PPP1R12C: variants seen among roughly 807,000 people sequenced by gnomAD.
PPP1R12C encodes the protein protein phosphatase 1 regulatory subunit 12C.
PPP1R12C carries 48 observed loss-of-function variants against 95.6 expected under a neutral mutation model. The ratio of observed to expected loss-of-function variants is 0.50; its 90% confidence interval spans 0.40 to 0.64. The LOEUF (loss-of-function observed/expected upper bound fraction) is 0.64. PPP1R12C is among the 30% of genes least tolerant of loss of function. The pLI, the probability that PPP1R12C is intolerant of heterozygous loss-of-function variation, is 0.00. For synonymous variants in PPP1R12C, 480 were observed against 460.8 expected (o/e 1.04, Z -0.53); for missense variants, 1,057 against 1,083.3 (o/e 0.98, Z 0.34).
Position 55,095,623 on chromosome 19 carries a change from T to C in PPP1R12C, c.1228-20A>G. 1 of 1,537,034 alleles carries C rather than the reference T, an allele frequency of 6.5e-7. No homozygotes were observed. Among genetic ancestry groups the C allele is most frequent in the Non-Finnish European group, 8.7e-7 (1 of 1,145,996 alleles). On this transcript the variant is annotated intron_variant, in intron 9 of 21. Transcript: ENST00000263433. Reference sequence around the variant, plus strand: ...AAGCTGCTGGGAGAAGGAGGAGGTCTCAGTTAGAGAGAAAGGATCCCTCTT... The same window carrying C: ...AAGCTGCTGGGAGAAGGAGGAGGTCCCAGTTAGAGAGAAAGGATCCCTCTT...
chr19:55,096,404 A>C, intron 6 of PPP1R12C, 69 bp from the exon 7 acceptor site: 2 of 1,531,408 alleles, frequency 1.3e-6, no homozygotes, highest in Non-Finnish European at 1.8e-6. Flanking sequence ...ACCACCACAA[A>C]CAGCTGTGCA....
rs2085077350 is a variant in PPP1R12C, at chr19:55,109,926, G to C, written c.571+2541C>G. ...GTCCCACCCCGAGCAGCACGGCTGA[G>C]GGTCTTTCCAGTGGCCCCAGTGGTC... On this transcript the variant is annotated intron_variant, in intron 3 of 21. Coordinates refer to ENST00000263433, the MANE Select transcript of PPP1R12C (RefSeq NM_017607.4). The surrounding 1 kb of genome is among the most constrained non-coding windows in gnomAD (Gnocchi z 4.4). Among the ~76,000 whole-genome samples the C allele has an allele frequency of 6.6e-6, 1 of 152,168 alleles. No individual in the cohort carries two copies. The highest frequency in any genetic ancestry group is 2.4e-5 in the African/African-American group (1 of 41,450).
chr19:55,092,911 C>T, intron 15 of PPP1R12C, 43 bp from the exon 16 acceptor site: 1 of 1,594,878 alleles, frequency 6.3e-7, no homozygotes, highest in Non-Finnish European at 8.5e-7. Context: ...TCCAGAGCCC[C>T]CTCTCGGTGC....
chr19:55,108,005 G>A (rs1252711887), intron 3 of PPP1R12C, among the ~76,000 whole-genome samples: 2 of 142,992 alleles, frequency 1.4e-5, no homozygotes, highest in East Asian at 2.1e-4. Flanking sequence ...GTGAGATCTC[G>A]GCTCACTGCA....
At position 55,092,307 on chromosome 19, in the gene PPP1R12C, C is replaced by T; in HGVS notation, c.2075G>A (p.Arg692Lys). Reference sequence around the variant, plus strand: ...GGCCTCGCGAAGCCGCTCGTTCTCCCTGCGCAGCTCTGCATACAGCTGGGG... The same window carrying T: ...GGCCTCGCGAAGCCGCTCGTTCTCCTTGCGCAGCTCTGCATACAGCTGGGG... Reference protein sequence around the residue: ...GFRTLYAELRRENERLREALT... With the variant: ...GFRTLYAELRKENERLREALT... Residue 692 changes from arginine (R) to lysine (K), a missense_variant, in exon 19 of 22, where the codon AGG becomes AAG. Arg to Lys is a conservative substitution (Grantham distance 26, BLOSUM62 2). Around this residue, in one of 5 missense-constraint regions of PPP1R12C, gnomAD observed 347 missense variants for 307.9 expected, o/e 1.13. Coordinates refer to ENST00000263433, the MANE Select transcript of PPP1R12C (RefSeq NM_017607.4). 1.3e-6 allele frequency: 2 copies of T among 1,599,236 alleles called. No homozygotes were observed. Among genetic ancestry groups the T allele is most frequent in the South Asian group, 1.1e-5 (1 of 88,750 alleles).
chr19:55,091,477 T>C lies in PPP1R12C; in HGVS notation c.2344A>G (p.Lys782Glu). The C allele has an allele frequency of 6.2e-7, 1 of 1,613,740 alleles. No individual in the cohort carries two copies. The highest frequency in any genetic ancestry group is 8.5e-7 in the Non-Finnish European group (1 of 1,179,702). ...TGCGGGAAAGTCCCTCCGGGTCACTTGGAGAGTTTGCTGATGACGCGGATC... is the reference window on the plus strand; with the variant it reads ...TGCGGGAAAGTCCCTCCGGGTCACTCGGAGAGTTTGCTGATGACGCGGATC... The part of the protein sequence containing the change: ...ALIRVISKLS[K>E] The change falls in exon 22 of 22, where the codon AAG becomes GAG. Residue 782 changes from lysine to glutamate, a missense_variant. Around this residue, in one of 5 missense-constraint regions of PPP1R12C, gnomAD observed 347 missense variants for 307.9 expected, o/e 1.13. Coordinates refer to ENST00000263433, the MANE Select transcript of PPP1R12C (RefSeq NM_017607.4).
chr19:55,113,535 C>G, intron 1 of PPP1R12C: 1 of 1,375,840 alleles, frequency 7.3e-7, no homozygotes, highest in Middle Eastern at 1.9e-4. Context: ...AAGCCGAAGT[C>G]CAGGGGGTCG....
intron 1 of PPP1R12C, among the ~76,000 whole-genome samples, chr19:55,116,361 G>C (rs2085153682): frequency 6.6e-6 from 1 of 152,138 alleles, no homozygotes; most frequent in Admixed American, 6.5e-5. Context: ...AGGACATCAC[G>C]TGGTGCAGCG....
At position 55,096,304 on chromosome 19, in the gene PPP1R12C, C is replaced by T. The variant is rs200106781; in HGVS notation, c.983G>A (p.Arg328Gln). 13 of 1,613,712 alleles carry T rather than the reference C, an allele frequency of 8.1e-6. No individual in the cohort carries two copies. The East Asian group carries it at 1.1e-4, about 14-fold the overall frequency. ...AGAGGGCGCTTGGGGCTCCTGGCCCCGGCTCTGGGAAGCTTCTTTTTGGTT... is the reference window on the plus strand; with the variant it reads ...AGAGGGCGCTTGGGGCTCCTGGCCCTGGCTCTGGGAAGCTTCTTTTTGGTT... ...LRNQKEASQS[R>Q]GQEPQAPSSS... Residue 328 changes from arginine (R) to glutamine (Q), a missense_variant, in exon 7 of 22, where the codon CGG becomes CAG. Physicochemically the swap from Arg to Gln is conservative, Grantham distance 43. Around this residue, in one of 5 missense-constraint regions of PPP1R12C, gnomAD observed 356 missense variants for 330.5 expected, o/e 1.08. Coordinates refer to ENST00000263433, the MANE Select transcript of PPP1R12C (RefSeq NM_017607.4).
intron 1 of PPP1R12C, chr19:55,114,145 A>C (rs1270198267): frequency 1.6e-5 from 2 of 124,888 alleles, no homozygotes; most frequent in Non-Finnish European, 3.3e-5. Context: ...CCAGGAGTCC[A>C]GGCCCCCAGT....
At chr19:55,106,279 C>T (rs1207258070) in intron 3 of PPP1R12C, among the ~76,000 whole-genome samples, 1 of 152,228 alleles carries the variant, frequency 6.6e-6, no homozygotes, top group Admixed American at 6.5e-5. Context: ...CGACCTCTTA[C>T]TACTGCAAAC....
chr19:55,097,496 C>T (rs2084932844), intron 6 of PPP1R12C, among the ~76,000 whole-genome samples: 1 of 139,604 alleles, frequency 7.2e-6, no homozygotes, highest in Admixed American at 7.1e-5. Flanking sequence ...CAGTTCACCA[C>T]CGTCTTCACC....
intron 4 of PPP1R12C, among the ~76,000 whole-genome samples, chr19:55,101,096 A>G (rs2084974587): frequency 6.6e-6 from 1 of 152,044 alleles, no homozygotes; most frequent in African/African-American, 2.4e-5. Context: ...ACAAACACAA[A>G]AATTAGCCGG....
chr19:55,115,806 G>C (rs2085147357), intron 1 of PPP1R12C, among the ~76,000 whole-genome samples: 1 of 152,214 alleles, frequency 6.6e-6, no homozygotes, highest in Non-Finnish European at 1.5e-5. Flanking sequence ...AAAGTACCCA[G>C]AACCAGAGCC....
chr19:55,101,128 A>G (rs1018330873), intron 4 of PPP1R12C, among the ~76,000 whole-genome samples: 19 of 152,016 alleles, frequency 1.2e-4, no homozygotes, highest in African/African-American at 4.6e-4. Context: ...CACACCTGTA[A>G]TCACAGCTAC....
At chr19:55,106,205 T>A (rs2085036617) in intron 3 of PPP1R12C, among the ~76,000 whole-genome samples, 1 of 150,504 alleles carries the variant, frequency 6.6e-6, no homozygotes, top group Non-Finnish European at 1.5e-5. Flanking sequence ...GAAAGTTTGC[T>A]GACCCCTGCT....
chr19:55,098,306 G>A (rs192598695), intron 6 of PPP1R12C, among the ~76,000 whole-genome samples: 7 of 152,320 alleles, frequency 4.6e-5, no homozygotes, highest in South Asian at 2.1e-4. Context: ...TGAGACTCAC[G>A]GCAGATCCAT....
chr19:55,116,794 G>A (rs572529725), intron 1 of PPP1R12C, among the ~76,000 whole-genome samples: 1 of 152,232 alleles, frequency 6.6e-6, no homozygotes, highest in African/African-American at 2.4e-5. Flanking sequence ...GTTCAGGAGA[G>A]GGCAGGGCAG....
intron 4 of PPP1R12C, among the ~76,000 whole-genome samples, chr19:55,101,047 G>A (rs1011507934): frequency 2.0e-5 from 3 of 152,034 alleles, no homozygotes; most frequent in Non-Finnish European, 4.4e-5. Flanking sequence ...TCAAGAGTTC[G>A]AGACCAGCCT....
Sources: gnomAD v4.1 joint callset for allele counts (sites outside exome capture counted in the v4.1 genomes callset) on GRCh38, gnomAD v4.1.1 for gene constraint, gnomAD v4.1.1 regional missense constraint, Gnocchi (gnomAD v3.1) non-coding constraint, MANE v1.5 for transcripts, NCBI Gene and HGNC (gene_info 2026-07-23, HGNC 2026-07-21) for gene names.